WHRN: variants seen among roughly 807,000 people sequenced by gnomAD.
The protein encoded by WHRN is CASK-interacting protein CIP98.
In WHRN, 41 loss-of-function variants were observed where a neutral mutation model predicts 68.3. That is an observed-to-expected ratio of 0.60 (90% CI 0.47 to 0.78). The LOEUF is 0.78. Among genes scored for constraint, WHRN ranks in the 30% least tolerant of loss-of-function variants. The probability of loss-of-function intolerance (pLI) is 0.00; values close to 1 mark genes in which losing one functional copy is unlikely to be tolerated. For missense variants in WHRN, 1,243 were observed against 1,244.7 expected, an observed-to-expected ratio of 1.00 and a Z score of 0.02; for synonymous variants, 560 against 561.3, an observed-to-expected ratio of 1.00 and a Z score of 0.03.
At chr9:114,486,116 C>T (rs1050223474) in intron 1 of WHRN, among the ~76,000 whole-genome samples, 1 of 152,140 alleles carries the variant, frequency 6.6e-6, no homozygotes, top group Admixed American at 6.5e-5. Context: ...CATGCTAATT[C>T]CCTTCCTGAG....
intron 1 of WHRN, among the ~76,000 whole-genome samples, chr9:114,486,893 T>A (rs1842525793): frequency 1.8e-5 from 1 of 54,188 alleles, no homozygotes; most frequent in Non-Finnish European, 4.4e-5. Context: ...TTAGTGTGTG[T>A]GTGTGTGTGT....
chr9:114,491,605 G>T, intron 1 of WHRN: 1 of 211,512 alleles, frequency 4.7e-6, no homozygotes, highest in South Asian at 9.8e-5. Context: ...AGAAGAGTAT[G>T]AAAAAGCAGA....
chr9:114,425,730 A>G (rs375198957), intron 4 of WHRN: 1 of 262,602 alleles, frequency 3.8e-6, no homozygotes, highest in Non-Finnish European at 7.4e-6. Context: ...AAGGTGACAC[A>G]TTACACTGTT....
chr9:114,451,033 G>A (rs950326152), intron 3 of WHRN, among the ~76,000 whole-genome samples: 1 of 152,186 alleles, frequency 6.6e-6, no homozygotes, highest in African/African-American at 2.4e-5. Context: ...CCTTCTTGCA[G>A]AGCCCGGCTG....
intron 3 of WHRN, among the ~76,000 whole-genome samples, chr9:114,459,771 C>T (rs889925160): frequency 6.6e-6 from 1 of 152,180 alleles, no homozygotes; most frequent in African/African-American, 2.4e-5. Flanking sequence ...CTCGATGGGC[C>T]TTCATTAGGA....
intron 1 of WHRN, among the ~76,000 whole-genome samples, chr9:114,494,199 G>A (rs1448908209): frequency 6.6e-6 from 1 of 152,170 alleles, no homozygotes; most frequent in Non-Finnish European, 1.5e-5. Context: ...ATTTTTTAGT[G>A]CGCTAAGTAC....
chr9:114,464,816 A>AATG (rs10523063), intron 3 of WHRN, among the ~76,000 whole-genome samples: 43 of 144,856 alleles, frequency 3.0e-4, no homozygotes, highest in Admixed American at 6.7e-4. Flanking sequence ...TTATGTCCAT[A>AATG]ATGATGATGA....
intron 3 of WHRN, among the ~76,000 whole-genome samples, chr9:114,461,272 G>A (rs1279649950): frequency 6.6e-6 from 1 of 152,194 alleles, no homozygotes; most frequent in African/African-American, 2.4e-5. Context: ...CATAAACAAA[G>A]TGAAAATCAT....
At chr9:114,489,862 C>T (rs1407825436) in intron 1 of WHRN, among the ~76,000 whole-genome samples, 4 of 152,180 alleles carry the variant, frequency 2.6e-5, no homozygotes. Flanking sequence ...TCTCCCTCCA[C>T]TCTATAGAAA....
chr9:114,416,803 C>T (rs1835848882), intron 7 of WHRN, among the ~76,000 whole-genome samples: 1 of 152,232 alleles, frequency 6.6e-6, no homozygotes, highest in South Asian at 2.1e-4. Flanking sequence ...TGCATATCCA[C>T]TCCTGATCTC....
chr9:114,424,828 T>C (rs944793768), intron 5 of WHRN, among the ~76,000 whole-genome samples, 160 bp downstream of exon 5: 1 of 152,318 alleles, frequency 6.6e-6, no homozygotes, highest in Admixed American at 6.5e-5. Context: ...GCCCAGAACC[T>C]AGCAGTCAGT....
Position 114,461,496 on chromosome 9 carries a change from GCA to G in WHRN, c.963+4769_963+4770del, listed in dbSNP as rs553943820. Reference sequence around the variant, plus strand: ...TCTTGATCATCGTCTTTTCACAGCTGCACAGTCTTGGGTGCATTACATCTCCC... The same window carrying G: ...TCTTGATCATCGTCTTTTCACAGCTGCAGTCTTGGGTGCATTACATCTCCC... On this transcript the variant is annotated intron_variant, in intron 3 of 11. Transcript: ENST00000362057. Among the ~76,000 whole-genome samples the G allele has an allele frequency of 3.3e-3, 501 of 152,310 alleles. 1 individual carries two copies. The highest frequency in any genetic ancestry group is 0.012 in the African/African-American group (478 of 41,560).
intron 3 of WHRN, among the ~76,000 whole-genome samples, chr9:114,442,903 C>A (rs1838499529): frequency 6.6e-6 from 1 of 152,084 alleles, no homozygotes; most frequent in Non-Finnish European, 1.5e-5. Flanking sequence ...TATGGGAGTT[C>A]TTTGCAGTAT....
At chr9:114,492,650 G>C (rs780938633) in intron 1 of WHRN, among the ~76,000 whole-genome samples, 23 of 152,064 alleles carry the variant, frequency 1.5e-4, no homozygotes, top group Admixed American at 6.5e-5. Flanking sequence ...TACTGACTTG[G>C]GGAGGGTCTT....
intron 3 of WHRN, among the ~76,000 whole-genome samples, chr9:114,429,198 T>A (rs1205793605): frequency 6.6e-6 from 1 of 152,234 alleles, no homozygotes; most frequent in Non-Finnish European, 1.5e-5. Flanking sequence ...CCCAAAGTGC[T>A]GGGATTACAG....
chr9:114,422,857 C>G (rs184934419), intron 7 of WHRN, among the ~76,000 whole-genome samples: 73 of 152,142 alleles, frequency 4.8e-4, no homozygotes, highest in African/African-American at 1.7e-3. Flanking sequence ...GAAAGTCAAA[C>G]TGGGCTTGGG....
chr9:114,444,795 A>AAC (rs998095854), intron 3 of WHRN, among the ~76,000 whole-genome samples: 5 of 150,298 alleles, frequency 3.3e-5, no homozygotes, highest in Non-Finnish European at 3.0e-5. Flanking sequence ...CTATATATAT[A>AAC]ATATATATAT....
At chr9:114,482,164 A>G (rs1842143422) in intron 1 of WHRN, among the ~76,000 whole-genome samples, 1 of 152,092 alleles carries the variant, frequency 6.6e-6, no homozygotes, top group Non-Finnish European at 1.5e-5. Context: ...CATCTGGTGC[A>G]CAGTAGGTCC....
chr9:114,406,225 C>T (rs1835012258), intron 9 of WHRN, 130 bp downstream of exon 9: 1 of 1,319,182 alleles, frequency 7.6e-7, no homozygotes, highest in Non-Finnish European at 1.1e-6. Context: ...TCTCCAACTC[C>T]CTTCGCCACT....
Sources: gnomAD v4.1 joint callset for allele counts (sites outside exome capture counted in the v4.1 genomes callset) on GRCh38, gnomAD v4.1.1 for gene constraint, MANE v1.5 for transcripts, NCBI Gene and HGNC (gene_info 2026-07-23, HGNC 2026-07-21) for gene names.